Variants in PTPRN2 observed in about 807,000 individuals in gnomAD.
PTPRN2 encodes protein tyrosine phosphatase receptor type N2.
In PTPRN2, 74 loss-of-function variants were observed where a neutral mutation model predicts 118.8. The ratio of observed to expected loss-of-function variants is 0.62; its 90% confidence interval spans 0.52 to 0.76. The LOEUF is 0.76. Ranked by LOEUF, PTPRN2 falls within the 30% of genes least tolerant of loss-of-function variation. The pLI is 0.00. For missense variants in PTPRN2, 1,481 were observed against 1,394.4 expected, an observed-to-expected ratio of 1.06 and a Z score of -0.99; for synonymous variants, 641 against 608.0, an observed-to-expected ratio of 1.05 and a Z score of -0.80.
At chr7:158,049,257 C>T (rs1325357600) in intron 11 of PTPRN2, among the ~76,000 whole-genome samples, 2 of 144,338 alleles carry the variant, frequency 1.4e-5, no homozygotes, top group Non-Finnish European at 3.1e-5. Flanking sequence ...GGCCCTGGAA[C>T]TCCTCCTTTG....
intron 11 of PTPRN2, among the ~76,000 whole-genome samples, chr7:158,071,398 T>C (rs1211350364): frequency 2.1e-4 from 19 of 90,786 alleles, no homozygotes; most frequent in Admixed American, 3.3e-4. Flanking sequence ...GTGGAGGTGC[T>C]CGTGGTGGAG....
chr7:158,299,857 C>T (rs1182873131), intron 3 of PTPRN2, among the ~76,000 whole-genome samples: 2 of 152,120 alleles, frequency 1.3e-5, no homozygotes, highest in Admixed American at 1.3e-4. Context: ...TACCCCAGAA[C>T]CCAGCAAAAT....
intron 1 of PTPRN2, among the ~76,000 whole-genome samples, chr7:158,547,178 CAT>C (rs763376919): frequency 2.0e-4 from 30 of 152,280 alleles, no homozygotes; most frequent in Middle Eastern, 3.4e-3. Flanking sequence ...ATGCACATAA[CAT>C]AAATAAAATT....
At chr7:158,554,434 C>T (rs943511704) in intron 1 of PTPRN2, among the ~76,000 whole-genome samples, 5 of 152,100 alleles carry the variant, frequency 3.3e-5, no homozygotes, top group Non-Finnish European at 5.9e-5. Flanking sequence ...GTGAAAAGTG[C>T]GTAAGAATTT....
At chr7:158,515,763 C>T (rs1823507682) in intron 1 of PTPRN2, among the ~76,000 whole-genome samples, 1 of 152,106 alleles carries the variant, frequency 6.6e-6, no homozygotes, top group Admixed American at 6.5e-5. Context: ...TTGTTTTCAC[C>T]CACGTGCCAC....
intron 2 of PTPRN2, among the ~76,000 whole-genome samples, chr7:158,432,891 C>T (rs1397705104): frequency 6.6e-6 from 1 of 152,184 alleles, no homozygotes; most frequent in Non-Finnish European, 1.5e-5. Flanking sequence ...GAAGAGGCCC[C>T]GCGCCCTGAC....
rs111369579 is a variant in PTPRN2 at position 157,881,276 on chromosome 7, A to T, written c.1788+17397T>A. On this transcript the variant is annotated intron_variant, in intron 12 of 22. Coordinates refer to ENST00000389418, the MANE Select transcript of PTPRN2 (RefSeq NM_002847.5). The surrounding 1 kb of genome is among the most constrained non-coding windows in gnomAD (Gnocchi z 4.7). The stretch of plus-strand genomic sequence containing the variant: ...GGTATGTGGAGATGGGGGTGTTTAC[A>T]GGAGTCATTACAGTAAAATGTGGTC... Among the ~76,000 whole-genome samples the T allele has an allele frequency of 2.1e-4, 32 of 151,804 alleles. No homozygotes were observed. The highest frequency in any genetic ancestry group is 9.2e-4 in the Admixed American group (14 of 15,260).
At chr7:157,553,676 C>T (rs1204412669) in intron 21 of PTPRN2, among the ~76,000 whole-genome samples, 1 of 152,148 alleles carries the variant, frequency 6.6e-6, no homozygotes, top group African/African-American at 2.4e-5. Flanking sequence ...GCGCTGAGCC[C>T]GAGACCAAAA....
chr7:158,312,228 CCA>C (rs1324284173), intron 3 of PTPRN2, among the ~76,000 whole-genome samples: 2 of 21,452 alleles, frequency 9.3e-5, no homozygotes, highest in East Asian at 2.1e-3. Context: ...TCACAGACAC[CCA>C]CACACATGCA....
chr7:158,381,203 A>G (rs963487853), intron 2 of PTPRN2, among the ~76,000 whole-genome samples: 13 of 152,202 alleles, frequency 8.5e-5, no homozygotes, highest in Admixed American at 6.5e-5. Flanking sequence ...TTGAATTTCT[A>G]GTCAGAAATT....
At chr7:158,493,276 TACAC>T (rs1191103889) in intron 1 of PTPRN2, among the ~76,000 whole-genome samples, 2 of 151,974 alleles carry the variant, frequency 1.3e-5, no homozygotes, top group African/African-American at 4.8e-5. Context: ...CACATATACA[TACAC>T]ACATGCACAC....
At position 157,875,292 on chromosome 7, in the gene PTPRN2, G is replaced by A. The variant is rs1795687651; in HGVS notation, c.1788+23381C>T. ...GGGCTCCTTCTTCAAACAAGAGAAA[G>A]CTGGGGAGTTTCCAGGCGTTCCGTG... is the stretch of plus-strand genomic sequence containing the variant. On this transcript the variant is annotated intron_variant, in intron 12 of 22. Coordinates refer to ENST00000389418, the MANE Select transcript of PTPRN2 (RefSeq NM_002847.5). Among the ~76,000 whole-genome samples, 5 of 152,324 alleles carry A rather than the reference G, an allele frequency of 3.3e-5. No individual in the cohort carries two copies. In the South Asian group the frequency reaches 1.0e-3, roughly 32 times the overall value.
intron 5 of PTPRN2, 151 bp from the exon 6 acceptor site, chr7:158,167,442 G>T: frequency 4.0e-6 from 4 of 1,009,612 alleles, no homozygotes; most frequent in Non-Finnish European, 4.1e-6. Context: ...GTCCTAAACA[G>T]CCCTGGACAT....
chr7:158,002,256 G>A (rs376180984), intron 11 of PTPRN2, among the ~76,000 whole-genome samples: 212 of 152,340 alleles, frequency 1.4e-3, no homozygotes, highest in African/African-American at 4.8e-3. Context: ...TGCAGAGGCT[G>A]TGCTCTGGAT....
At chr7:158,162,246 C>T (rs960852259) in intron 6 of PTPRN2, among the ~76,000 whole-genome samples, 1 of 152,158 alleles carries the variant, frequency 6.6e-6, no homozygotes. Context: ...TGGTACTTAA[C>T]CAGTAGAAGT....
chr7:157,881,020 ATGTGACTGTAT>A lies in PTPRN2; in HGVS notation c.1788+17642_1788+17652del, dbSNP rs1796078034. 1.3e-5 allele frequency among the ~76,000 whole-genome samples: 2 copies of A among 152,240 alleles called. No homozygotes were observed. Among genetic ancestry groups the A allele is most frequent in the South Asian group, 4.1e-4 (2 of 4,838 alleles). On this transcript the variant is annotated intron_variant, in intron 12 of 22. Transcript: ENST00000389418. This position sits in a 1 kb window ranked among gnomAD's most constrained non-coding sequence, Gnocchi z 4.7. ...GAAGCTCTAATCCCAGAACTTCCGA[ATGTGACTGTAT>A]GTGGAGATGGAGTTGTCTATAGGAG...
At chr7:157,947,815 C>A (rs1451646114) in intron 11 of PTPRN2, among the ~76,000 whole-genome samples, 1 of 152,198 alleles carries the variant, frequency 6.6e-6, no homozygotes, top group African/African-American at 2.4e-5. Context: ...AAGAGAGAGG[C>A]AATTCATCTT....
At position 157,609,390 on chromosome 7, in the gene PTPRN2, A is replaced by T. The variant is rs185296542; in HGVS notation, c.2345-5315T>A. Among the ~76,000 whole-genome samples the T allele has an allele frequency of 6.5e-3, 989 of 151,838 alleles. 10 individuals are homozygous for T. The highest frequency in any genetic ancestry group is 0.023 in the African/African-American group (935 of 41,380). ...AAGAGTGAAACTCTGTCTCAAAAAA[A>T]TTTTTTTTTAAATATAAAAAAAAAG... is the stretch of plus-strand genomic sequence containing the variant. On this transcript the variant is annotated intron_variant, in intron 15 of 22. Transcript: ENST00000389418. The surrounding 1 kb of genome is among the most constrained non-coding windows in gnomAD (Gnocchi z 4.9).
chr7:158,337,425 A>C, intron 2 of PTPRN2, among the ~76,000 whole-genome samples: 2 of 138,864 alleles, frequency 1.4e-5, no homozygotes, highest in African/African-American at 2.8e-5. Context: ...CCACACTCTC[A>C]CCATAAGAGG....
Sources: allele counts gnomAD v4.1 joint callset (sites outside exome capture counted in the v4.1 genomes callset), GRCh38; gene constraint gnomAD v4.1.1; non-coding constraint Gnocchi (gnomAD v3.1); transcripts MANE v1.5; gene names NCBI Gene and HGNC (gene_info 2026-07-23, HGNC 2026-07-21).